The following NRXN3 variants were observed in gnomAD, a reference collection of about 807,000 sequenced individuals.
NRXN3 encodes the protein neurexin III.
A neutral mutation model predicts 137.6 loss-of-function variants in NRXN3; 32 were observed. That is an observed-to-expected ratio of 0.23 (90% CI 0.18 to 0.31). The LOEUF (loss-of-function observed/expected upper bound fraction) is 0.31. NRXN3 is among the 10% of genes least tolerant of loss of function. The pLI is 1.00. For missense variants in NRXN3, 1,574 were observed against 2,062.5 expected (o/e 0.76, Z 4.59); for synonymous variants, 798 against 784.5 (o/e 1.02, Z -0.29).
At chr14:79,521,917 A>G (rs1183319434) in intron 16 of NRXN3, among the ~76,000 whole-genome samples, 1 of 152,074 alleles carries the variant, frequency 6.6e-6, no homozygotes, top group Admixed American at 6.6e-5. Flanking sequence ...CCATTTGTAA[A>G]CTATCATTGA....
Position 78,217,503 on chromosome 14 carries a change from C to G in NRXN3, c.-703-24888C>G, listed in dbSNP as rs1303417374. ...TCTAGTCCTAAATGTTAATAGCACT[C>G]AGGTTGAGAAACTCTATTTTAAAGA... is the stretch of plus-strand genomic sequence containing the variant. On this transcript the variant is annotated intron_variant, in intron 1 of 20. Coordinates refer to ENST00000335750, the MANE Select transcript of NRXN3 (RefSeq NM_001330195.2). 3.9e-5 allele frequency among the ~76,000 whole-genome samples: 6 copies of G among 152,186 alleles called. No homozygotes were observed. The South Asian group carries it at 1.2e-3, about 32-fold the overall frequency.
intron 8 of NRXN3, among the ~76,000 whole-genome samples, chr14:78,766,597 C>T (rs949842119): frequency 1.8e-4 from 27 of 152,166 alleles, no homozygotes; most frequent in Non-Finnish European, 4.4e-5. Context: ...TCCCATATTT[C>T]TTTCATTGTC....
intron 16 of NRXN3, among the ~76,000 whole-genome samples, chr14:79,547,293 A>G (rs779083516): frequency 1.3e-5 from 2 of 152,168 alleles, no homozygotes; most frequent in Non-Finnish European, 2.9e-5. Flanking sequence ...ATTGTACTAT[A>G]TTACTCCATC....
At chr14:78,521,894 T>C (rs552830061) in intron 4 of NRXN3, among the ~76,000 whole-genome samples, 157 of 152,300 alleles carry the variant, frequency 1.0e-3, no homozygotes, top group African/African-American at 3.6e-3. Flanking sequence ...TGTCCTTTAT[T>C]GTTTGAAAAA....
intron 1 of NRXN3, among the ~76,000 whole-genome samples, chr14:78,234,994 T>A (rs1220019331): frequency 9.2e-6 from 1 of 108,782 alleles, no homozygotes. Flanking sequence ...ACAAATGCTT[T>A]TATATATATA....
chr14:79,005,235 C>G (rs1035921367), intron 15 of NRXN3, among the ~76,000 whole-genome samples: 10 of 152,208 alleles, frequency 6.6e-5, no homozygotes, highest in Non-Finnish European at 1.5e-4. Flanking sequence ...ACTTGATACA[C>G]TATCCAAATT....
At chr14:79,455,547 A>G (rs981237752) in intron 15 of NRXN3, among the ~76,000 whole-genome samples, 4 of 152,144 alleles carry the variant, frequency 2.6e-5, no homozygotes, top group African/African-American at 9.7e-5. Flanking sequence ...CTCCTTTCCA[A>G]TGGTGTCTAT....
chr14:79,574,070 A>T (rs1434220036), intron 16 of NRXN3, among the ~76,000 whole-genome samples: 1 of 152,150 alleles, frequency 6.6e-6, no homozygotes, highest in Admixed American at 6.5e-5. Flanking sequence ...AGCAATCTTG[A>T]TGTTAAGTAG....
chr14:78,478,560 A>G (rs1372522591), intron 4 of NRXN3, among the ~76,000 whole-genome samples: 2 of 152,210 alleles, frequency 1.3e-5, no homozygotes, highest in Non-Finnish European at 1.5e-5. Flanking sequence ...GAAAAAAAAG[A>G]GAAAGCCTTT....
chr14:79,502,168 G>A (rs1200178097), intron 16 of NRXN3, among the ~76,000 whole-genome samples: 1 of 152,190 alleles, frequency 6.6e-6, no homozygotes, highest in Admixed American at 6.5e-5. Context: ...GAAAGTGAGA[G>A]AACAGTGGGA....
chr14:79,057,537 G>A (rs1004590630), intron 15 of NRXN3, among the ~76,000 whole-genome samples: 3 of 152,172 alleles, frequency 2.0e-5, no homozygotes, highest in Admixed American at 2.0e-4. Context: ...CACAGCATGA[G>A]GGATGAGTAA....
chr14:78,471,321 CA>C (rs1567684678), intron 4 of NRXN3, among the ~76,000 whole-genome samples: 41 of 89,088 alleles, frequency 4.6e-4, no homozygotes, highest in South Asian at 3.3e-3. Context: ...CACACACACA[CA>C]CACACACACA....
At chr14:79,406,665 A>G (rs951581259) in intron 15 of NRXN3, among the ~76,000 whole-genome samples, 3 of 152,046 alleles carry the variant, frequency 2.0e-5, no homozygotes, top group Non-Finnish European at 4.4e-5. Flanking sequence ...AAATATATTC[A>G]TATCTGTGTA....
chr14:78,946,290 A>C (rs2099365009), intron 10 of NRXN3, among the ~76,000 whole-genome samples: 1 of 152,200 alleles, frequency 6.6e-6, no homozygotes, highest in East Asian at 1.9e-4. Context: ...ACAGAAATAC[A>C]GGTCTTGGTC....
In NRXN3 at chr14:79,862,195, A is replaced by C; in HGVS notation, c.*231A>C. Reference sequence around the variant, plus strand: ...CGGCAAGGTCCCAGCGGTCGCTGGGAGACAGAAGGTTTTGTGCCCTGCTGT... The same window carrying C: ...CGGCAAGGTCCCAGCGGTCGCTGGGCGACAGAAGGTTTTGTGCCCTGCTGT... On this transcript the variant is annotated 3_prime_UTR_variant, in exon 21 of 21. Transcript: ENST00000335750. 1 of 497,744 alleles carries C rather than the reference A, an allele frequency of 2.0e-6. No individual in the cohort carries two copies. The allele number at this position is 497,744 out of a possible 1,614,324, so 30.8% of individuals were successfully genotyped here.
At chr14:79,725,107 CTGTT>C (rs967484540) in intron 19 of NRXN3, among the ~76,000 whole-genome samples, 4 of 152,092 alleles carry the variant, frequency 2.6e-5, no homozygotes, top group Admixed American at 1.3e-4. Flanking sequence ...AGTTGCAAAA[CTGTT>C]TGGGAGATCA....
At chr14:78,452,267 A>G (rs2094570272) in intron 4 of NRXN3, among the ~76,000 whole-genome samples, 1 of 152,214 alleles carries the variant, frequency 6.6e-6, no homozygotes, top group South Asian at 2.1e-4. Flanking sequence ...AGGCAAGCTG[A>G]TTCTCTGTGG....
intron 15 of NRXN3, among the ~76,000 whole-genome samples, chr14:79,378,321 T>C (rs2094365631): frequency 1.3e-5 from 2 of 152,156 alleles, no homozygotes. Flanking sequence ...TTGGCTAAGG[T>C]GCCCAGAGAG....
chr14:78,331,604 A>C (rs1490315559), intron 4 of NRXN3, among the ~76,000 whole-genome samples: 1 of 152,198 alleles, frequency 6.6e-6, no homozygotes, highest in African/African-American at 2.4e-5. Flanking sequence ...AGTTGAATAT[A>C]ATCCAGAAAA....
Sources: gnomAD v4.1 joint callset for allele counts (sites outside exome capture counted in the v4.1 genomes callset) on GRCh38, gnomAD v4.1.1 for gene constraint, MANE v1.5 for transcripts, NCBI Gene and HGNC (gene_info 2026-07-23, HGNC 2026-07-21) for gene names.